The following EPM2A variants were observed in gnomAD, a reference collection of about 807,000 sequenced individuals.
EPM2A encodes EPM2A glucan phosphatase, laforin.
A neutral mutation model predicts 26.5 loss-of-function variants in EPM2A; 21 were observed. The observed-to-expected ratio is 0.79, with a 90% confidence interval of 0.56 to 1.14. EPM2A has a LOEUF of 1.14. Ranked by LOEUF, EPM2A falls within the 50% of genes most tolerant of loss-of-function variation. The pLI is 0.00. For synonymous variants in EPM2A, 217 were observed against 177.6 expected (o/e 1.22, Z -1.76); for missense variants, 458 against 440.8 (o/e 1.04, Z -0.35).
chr6:145,717,171 G>T (rs1562518006), intron 1 of EPM2A, among the ~76,000 whole-genome samples: 2 of 152,080 alleles, frequency 1.3e-5, no homozygotes, highest in South Asian at 4.1e-4. Context: ...CCAAAAAAGA[G>T]AATTTTAGAC....
intron 3 of EPM2A, chr6:145,628,399 G>A (rs948306261): frequency 7.2e-5 from 11 of 152,960 alleles, no homozygotes; most frequent in East Asian, 3.8e-4. Flanking sequence ...GAGAGGACAC[G>A]TTATGCCCTG....
chr6:145,462,218 C>T (rs1046906946), intron 4 of EPM2A, among the ~76,000 whole-genome samples: 2 of 152,066 alleles, frequency 1.3e-5, no homozygotes, highest in African/African-American at 2.4e-5. Context: ...TCAGATATTT[C>T]CAGGAGTGTC....
At chr6:145,562,645 G>A (rs993346161) in intron 2 of EPM2A, among the ~76,000 whole-genome samples, 1 of 152,034 alleles carries the variant, frequency 6.6e-6, no homozygotes, top group African/African-American at 2.4e-5. Flanking sequence ...GTCTGGGGAG[G>A]CCACCAGTCC....
chr6:145,508,097 A>T (rs1438794769), intron 2 of EPM2A, among the ~76,000 whole-genome samples: 1 of 152,212 alleles, frequency 6.6e-6, no homozygotes, highest in Non-Finnish European at 1.5e-5. Flanking sequence ...CACATAAGGC[A>T]GCACCAACAA....
chr6:145,544,792 G>T (rs1780562543), intron 2 of EPM2A, among the ~76,000 whole-genome samples: 1 of 152,072 alleles, frequency 6.6e-6, no homozygotes, highest in South Asian at 2.1e-4. Context: ...GCTTTTTTTG[G>T]AGAGAAATAG....
At chr6:145,460,292 A>C (rs146788273) in intron 4 of EPM2A, among the ~76,000 whole-genome samples, 185 of 152,334 alleles carry the variant, frequency 1.2e-3, no homozygotes, top group African/African-American at 4.0e-3. Flanking sequence ...GAAAAGCCTT[A>C]AACCAGAAGT....
intron 2 of EPM2A, among the ~76,000 whole-genome samples, chr6:145,657,143 G>A (rs533009258): frequency 6.8e-6 from 1 of 147,326 alleles, no homozygotes; most frequent in East Asian, 2.0e-4. Context: ...AGGCTGGAGT[G>A]CAGTGGCAGG....
chr6:145,467,006 G>C (rs1234246200), intron 4 of EPM2A, among the ~76,000 whole-genome samples: 1 of 152,162 alleles, frequency 6.6e-6, no homozygotes, highest in Non-Finnish European at 1.5e-5. Context: ...GGCGGTGGGA[G>C]TGGAGAGGGA....
At chr6:145,399,534 G>A (rs1778452834) in intron 4 of EPM2A, among the ~76,000 whole-genome samples, 2 of 151,992 alleles carry the variant, frequency 1.3e-5, no homozygotes, top group Admixed American at 6.6e-5. Flanking sequence ...GGATTTATGC[G>A]AACAGAAAAA....
At chr6:145,395,583 A>C (rs1778394519) in intron 4 of EPM2A, among the ~76,000 whole-genome samples, 1 of 152,090 alleles carries the variant, frequency 6.6e-6, no homozygotes, top group Admixed American at 6.6e-5. Flanking sequence ...CTCACCCTGC[A>C]CCACACTCAG....
intron 2 of EPM2A, among the ~76,000 whole-genome samples, chr6:145,507,423 C>A (rs1196127039): frequency 6.6e-6 from 1 of 152,152 alleles, no homozygotes. Flanking sequence ...GTGGGAGGGG[C>A]AGTCAGTCTC....
intron 3 of EPM2A, among the ~76,000 whole-genome samples, chr6:145,502,056 A>G (rs1350786167): frequency 6.6e-6 from 1 of 152,246 alleles, no homozygotes; most frequent in African/African-American, 2.4e-5. Flanking sequence ...AGGAGCTTTT[A>G]TTATCTAATT....
At chr6:145,570,191 A>C (rs1780936397) in intron 2 of EPM2A, among the ~76,000 whole-genome samples, 1 of 152,094 alleles carries the variant, frequency 6.6e-6, no homozygotes, top group African/African-American at 2.4e-5. Flanking sequence ...TCACAGACAC[A>C]CCCAGGATCA....
chr6:145,588,698 G>A (rs1461498475), intron 2 of EPM2A, among the ~76,000 whole-genome samples: 5 of 152,152 alleles, frequency 3.3e-5, no homozygotes, highest in Non-Finnish European at 5.9e-5. Flanking sequence ...TACATGCCAA[G>A]AACAGTGCAA....
chr6:145,690,603 A>G (rs1240868268), intron 1 of EPM2A, among the ~76,000 whole-genome samples: 1 of 151,680 alleles, frequency 6.6e-6, no homozygotes, highest in Non-Finnish European at 1.5e-5. Flanking sequence ...GTTACCCATT[A>G]TACCAATAAC....
At chr6:145,478,317 G>T (rs1380666189) in intron 4 of EPM2A, among the ~76,000 whole-genome samples, 1 of 151,732 alleles carries the variant, frequency 6.6e-6, no homozygotes, top group Non-Finnish European at 1.5e-5. Context: ...GTTCATAGAT[G>T]GGAAGAATCA....
intron 1 of EPM2A, among the ~76,000 whole-genome samples, chr6:145,724,239 T>C (rs774148208): frequency 6.6e-6 from 1 of 152,068 alleles, no homozygotes; most frequent in Non-Finnish European, 1.5e-5. Context: ...ATGGCCAGCA[T>C]GCAAACAAAA....
intron 4 of EPM2A, among the ~76,000 whole-genome samples, chr6:145,453,479 T>C (rs1779223762): frequency 6.6e-6 from 1 of 152,140 alleles, no homozygotes; most frequent in Non-Finnish European, 1.5e-5. Flanking sequence ...TGTGGGTTTT[T>C]TTAAACCAAA....
intron 2 of EPM2A, among the ~76,000 whole-genome samples, chr6:145,619,483 C>T (rs1232426842): frequency 2.0e-5 from 3 of 152,264 alleles, no homozygotes; most frequent in East Asian, 3.9e-4. Context: ...TGATGGAAAG[C>T]AAAGGAAGAT....
Sources: allele counts gnomAD v4.1 joint callset (sites outside exome capture counted in the v4.1 genomes callset), GRCh38; gene constraint gnomAD v4.1.1; transcripts MANE v1.5; gene names NCBI Gene and HGNC (gene_info 2026-07-23, HGNC 2026-07-21).